The following UQCC5 variants were observed in gnomAD, a reference collection of about 807,000 sequenced individuals.
The protein encoded by UQCC5 is UPF0640 protein C3orf78.
At chr3:52,538,539 G>A in the UQCC5 span, among the ~76,000 whole-genome samples, 1 of 152,152 alleles carries the variant, frequency 6.6e-6, no homozygotes, top group Non-Finnish European at 1.5e-5. Context: ...TTGGCTCACC[G>A]CAACCTCTGC....
chr3:52,540,479 T>C, the UQCC5 span: 3 of 1,528,606 alleles, frequency 2.0e-6, no homozygotes, highest in South Asian at 2.5e-5. Flanking sequence ...GGCTGGAAGA[T>C]GAATGAGACT....
At chr3:52,540,320 A>G in the UQCC5 span, 2 of 816,562 alleles carry the variant, frequency 2.4e-6, no homozygotes, top group African/African-American at 3.6e-5. Context: ...TAATGCCAAG[A>G]TTCAGAAGTA....
At chr3:52,536,686 C>A in the UQCC5 span, 1 of 1,531,660 alleles carries the variant, frequency 6.5e-7, no homozygotes, top group South Asian at 1.2e-5. Context: ...ACGGGCGGGG[C>A]GGTCTCGGCT....
chr3:52,539,637 GA>G, the UQCC5 span, among the ~76,000 whole-genome samples: 4 of 126,200 alleles, frequency 3.2e-5, no homozygotes, highest in African/African-American at 1.3e-4. Flanking sequence ...GAAGGAAGAA[GA>G]TTTTTTTTTT....
chr3:52,540,584 T>G, the UQCC5 span: 1 of 874,046 alleles, frequency 1.1e-6, no homozygotes, highest in Non-Finnish European at 1.7e-6. Context: ...CTGACACAGC[T>G]TGTCCTTTAT....
At chr3:52,541,102 A>G in the UQCC5 span, 1 of 152,112 alleles carries the variant, frequency 6.6e-6, no homozygotes. Flanking sequence ...GTTTCACACT[A>G]CTCTAGGATG....
chr3:52,538,211 G>GGTGATTAAGTGGTGACT, the UQCC5 span, among the ~76,000 whole-genome samples: 1 of 152,198 alleles, frequency 6.6e-6, no homozygotes, highest in Non-Finnish European at 1.5e-5. Flanking sequence ...AGTACTGACA[G>GGTGATTAAGTGGTGACT]GGCATGGTGA....
chr3:52,540,025 C>A, the UQCC5 span, among the ~76,000 whole-genome samples: 1 of 152,218 alleles, frequency 6.6e-6, no homozygotes, highest in Non-Finnish European at 1.5e-5. Context: ...CTCTCCCCAC[C>A]TGAAGGTTTC....
At chr3:52,541,172 C>G in the UQCC5 span, 3 of 152,142 alleles carry the variant, frequency 2.0e-5, no homozygotes, top group Admixed American at 6.5e-5. Context: ...AGAAAGTGAA[C>G]CTACACAGTA....
the UQCC5 span, chr3:52,536,811 G>A: frequency 6.4e-7 from 1 of 1,551,814 alleles, no homozygotes; most frequent in Middle Eastern, 1.7e-4. Context: ...GGGAAGCAGC[G>A]ATTTGGCATC....
chr3:52,540,109 A>AGGATGACTT, the UQCC5 span, among the ~76,000 whole-genome samples: 1 of 152,250 alleles, frequency 6.6e-6, no homozygotes, highest in African/African-American at 2.4e-5. Flanking sequence ...TTAGTTAAGA[A>AGGATGACTT]GGATGACTTC....
chr3:52,536,912 T>C, the UQCC5 span: 1 of 1,551,260 alleles, frequency 6.4e-7, no homozygotes, highest in Non-Finnish European at 8.7e-7. Flanking sequence ...CTTCTGTAAG[T>C]GAGGGGGTAG....
At chr3:52,538,299 TGCCGAACACAGGCAGG>T in the UQCC5 span, among the ~76,000 whole-genome samples, 2 of 152,164 alleles carry the variant, frequency 1.3e-5, no homozygotes, top group Non-Finnish European at 2.9e-5. Flanking sequence ...TTCCTGAAGG[TGCCGAACACAGGCAGG>T]GCCATCCTGG....
the UQCC5 span, among the ~76,000 whole-genome samples, chr3:52,537,724 G>A: frequency 6.6e-6 from 1 of 152,180 alleles, no homozygotes; most frequent in Admixed American, 6.5e-5. Flanking sequence ...AAAGTGATCA[G>A]TGCTGTGAGA....
At chr3:52,541,760 C>T in the UQCC5 span, 1 of 152,154 alleles carries the variant, frequency 6.6e-6, no homozygotes, top group Non-Finnish European at 1.5e-5. Context: ...GTATGATTCT[C>T]AATTATATGG....
chr3:52,539,948 T>A, the UQCC5 span, among the ~76,000 whole-genome samples: 1 of 152,198 alleles, frequency 6.6e-6, no homozygotes, highest in African/African-American at 2.4e-5. Context: ...GGAAAGAAGA[T>A]TCTTTACATG....
chr3:52,538,989 G>C, the UQCC5 span, among the ~76,000 whole-genome samples: 1 of 152,176 alleles, frequency 6.6e-6, no homozygotes, highest in Admixed American at 6.5e-5. Flanking sequence ...GACCAGAGCT[G>C]GGTGACAGGA....
chr3:52,540,350 T>C, the UQCC5 span: 1 of 1,118,306 alleles, frequency 8.9e-7, no homozygotes, highest in Admixed American at 3.0e-5. Flanking sequence ...CCTAGACTAT[T>C]GGTTAAATTA....
chr3:52,537,666 C>T, the UQCC5 span, among the ~76,000 whole-genome samples: 1 of 152,024 alleles, frequency 6.6e-6, no homozygotes, highest in African/African-American at 2.4e-5. Flanking sequence ...GTCCCTTACC[C>T]CAGAAGAGCT....
Sources: gnomAD v4.1 joint callset for allele counts (sites outside exome capture counted in the v4.1 genomes callset) on GRCh38, gnomAD v4.1.1 for gene constraint, MANE v1.5 for transcripts, NCBI Gene and HGNC (gene_info 2026-07-23, HGNC 2026-07-21) for gene names.